BRAF: variants seen among roughly 807,000 people sequenced by gnomAD.
BRAF encodes B-Raf proto-oncogene, serine/threonine kinase.
Under a neutral mutation model 104.6 loss-of-function variants are expected in BRAF, and 16 were observed. The observed-to-expected ratio is 0.15, with a 90% confidence interval of 0.10 to 0.23. The LOEUF (loss-of-function observed/expected upper bound fraction) is 0.23. Ranked by LOEUF, BRAF falls within the 10% of genes least tolerant of loss-of-function variation. The pLI, the probability that BRAF is intolerant of heterozygous loss-of-function variation, is 1.00. For missense variants in BRAF, 541 were observed against 937.3 expected (o/e 0.58, Z 5.52); for synonymous variants, 310 against 341.6 (o/e 0.91, Z 1.02).
intron 3 of BRAF, among the ~76,000 whole-genome samples, chr7:140,816,975 G>GAAA (rs922471111): frequency 7.1e-6 from 1 of 141,332 alleles, no homozygotes; most frequent in Non-Finnish European, 1.5e-5. Flanking sequence ...TTGGATAAGA[G>GAAA]AAAAAAAAAA....
chr7:140,921,301 T>C (rs1037594215), intron 1 of BRAF, among the ~76,000 whole-genome samples: 1 of 152,188 alleles, frequency 6.6e-6, no homozygotes, highest in African/African-American at 2.4e-5. Context: ...CAGATGTTAA[T>C]GTTTAATGCC....
intron 1 of BRAF, among the ~76,000 whole-genome samples, chr7:140,854,945 C>CA (rs890296267): frequency 2.1e-4 from 31 of 149,822 alleles, no homozygotes; most frequent in African/African-American, 6.9e-4. Context: ...GACTTCGTCT[C>CA]AAAAAAAAAG....
At position 140,720,314 on chromosome 7, in the gene BRAF, G is replaced by A. The variant is rs1795260098; in HGVS notation, c.*6180C>T. On this transcript the variant is annotated 3_prime_UTR_variant, in exon 20 of 20. Transcript: ENST00000644969. Reference sequence around the variant, plus strand: ...GTCTATATATGTGGCATGGCCAAAGGAAACACGGAGGACCCATGGATGCAT... The same window carrying A: ...GTCTATATATGTGGCATGGCCAAAGAAAACACGGAGGACCCATGGATGCAT... 2 of 1,062,492 alleles carry A rather than the reference G, an allele frequency of 1.9e-6. No homozygotes were observed. The highest frequency in any genetic ancestry group is 2.3e-6 in the Non-Finnish European group (2 of 877,696). The allele number at this position is 1,062,492 out of a possible 1,614,324, so 65.8% of individuals were successfully genotyped here.
At chr7:140,852,826 C>T (rs1289911759) in intron 1 of BRAF, among the ~76,000 whole-genome samples, 1 of 152,138 alleles carries the variant, frequency 6.6e-6, no homozygotes, top group Non-Finnish European at 1.5e-5. Context: ...TCTGATCTCC[C>T]CCATCACCCC....
chr7:140,912,198 G>A (rs951000354), intron 1 of BRAF, among the ~76,000 whole-genome samples: 1 of 152,094 alleles, frequency 6.6e-6, no homozygotes, highest in African/African-American at 2.4e-5. Context: ...TTTGTCTCCA[G>A]TTCATTTATG....
chr7:140,836,010 G>A (rs1400266237), intron 2 of BRAF: 1 of 152,160 alleles, frequency 6.6e-6, no homozygotes, highest in African/African-American at 2.4e-5. Context: ...GTAATAATGA[G>A]GAAGGAGGAC....
At chr7:140,841,625 G>GTGA (rs1807980342) in intron 2 of BRAF, among the ~76,000 whole-genome samples, 1 of 152,098 alleles carries the variant, frequency 6.6e-6, no homozygotes, top group Non-Finnish European at 1.5e-5. Flanking sequence ...TTAAGTAAAA[G>GTGA]CAGCCAGTCA....
intron 1 of BRAF, among the ~76,000 whole-genome samples, chr7:140,879,327 G>A (rs868100826): frequency 6.0e-5 from 9 of 150,418 alleles, no homozygotes; most frequent in Non-Finnish European, 8.9e-5. Flanking sequence ...GACTACAGGC[G>A]TGCACCACCA....
In BRAF at chr7:140,852,245, T is replaced by C. The variant is rs536072118; in HGVS notation, c.139-2033A>G. Among the ~76,000 whole-genome samples the C allele has an allele frequency of 3.9e-5, 6 of 151,990 alleles. No homozygotes were observed. The East Asian group carries it at 1.2e-3, about 29-fold the overall frequency. ...TTAGCCGGGCATGGTGGTGCATGCC[T>C]GTAGTCCCAGGTACTCAGAAGGCTG... On this transcript the variant is annotated intron_variant, in intron 1 of 19. Coordinates refer to ENST00000644969, the MANE Select transcript of BRAF (RefSeq NM_001374258.1).
intron 2 of BRAF, among the ~76,000 whole-genome samples, chr7:140,837,572 T>C (rs1469695309): frequency 1.3e-5 from 2 of 152,232 alleles, no homozygotes; most frequent in Non-Finnish European, 2.9e-5. Flanking sequence ...GACCATTCAA[T>C]TGTTCTATTT....
intron 18 of BRAF, among the ~76,000 whole-genome samples, 157 bp from the exon 18 acceptor site, chr7:140,734,927 T>C (rs765831770): frequency 6.6e-6 from 1 of 152,042 alleles, no homozygotes; most frequent in Non-Finnish European, 1.5e-5. Context: ...AAATCTTACA[T>C]TGTTTTCAGC....
intron 2 of BRAF, among the ~76,000 whole-genome samples, chr7:140,837,890 T>G (rs566409985): frequency 6.6e-6 from 1 of 152,344 alleles, no homozygotes; most frequent in South Asian, 2.1e-4. Context: ...ATTCTCCACA[T>G]CTTTCCCCAT....
intron 19 of BRAF, chr7:140,734,294 A>C: frequency 8.1e-7 from 1 of 1,234,064 alleles, no homozygotes; most frequent in Non-Finnish European, 1.0e-6. Context: ...GAGAAACTGA[A>C]GTTTACTACT....
downstream of BRAF, among the ~76,000 whole-genome samples, chr7:140,717,747 T>C (rs1342174163): frequency 1.3e-5 from 2 of 152,198 alleles, no homozygotes; most frequent in Non-Finnish European, 2.9e-5. Flanking sequence ...ACATATATGG[T>C]ATAGTATGTT....
At chr7:140,770,238 T>C (rs1418290626) in intron 14 of BRAF, among the ~76,000 whole-genome samples, 1 of 152,204 alleles carries the variant, frequency 6.6e-6, no homozygotes, top group Non-Finnish European at 1.5e-5. Context: ...TTAGAATTAT[T>C]ATCAATCACT....
At chr7:140,854,817 T>C (rs966931063) in intron 1 of BRAF, among the ~76,000 whole-genome samples, 74 of 152,058 alleles carry the variant, frequency 4.9e-4, no homozygotes, top group African/African-American at 1.6e-3. Context: ...TGGTGGCGTG[T>C]GCCTGTAATC....
intron 19 of BRAF, chr7:140,733,710 A>T (rs1476683736): frequency 6.6e-6 from 1 of 152,516 alleles, no homozygotes; most frequent in Non-Finnish European, 1.5e-5. Context: ...TAACAACTTT[A>T]AAAAATCTAT....
At chr7:140,864,410 A>T (rs755880414) in intron 1 of BRAF, among the ~76,000 whole-genome samples, 1 of 152,186 alleles carries the variant, frequency 6.6e-6, no homozygotes, top group Non-Finnish European at 1.5e-5. Context: ...GCATTATGTC[A>T]CCAACAGGAG....
Position 140,723,565 on chromosome 7 carries a change from T to G in BRAF, c.*2929A>C. ...CTATTCACAAATCCCTTTTATAAACTATTTTTTTGGTCAATATTATTTCAG... is the reference window on the plus strand; with the variant it reads ...CTATTCACAAATCCCTTTTATAAACGATTTTTTTGGTCAATATTATTTCAG... On this transcript the variant is annotated 3_prime_UTR_variant, in exon 20 of 20. Coordinates refer to ENST00000644969, the MANE Select transcript of BRAF (RefSeq NM_001374258.1). The G allele has an allele frequency of 9.5e-7, 1 of 1,048,748 alleles. No homozygotes were observed. The highest frequency in any genetic ancestry group is 1.2e-6 in the Non-Finnish European group (1 of 868,970). 65.0% of individuals were successfully genotyped at this position (1,048,748 alleles called of 1,614,324 possible).
Sources: allele counts gnomAD v4.1 joint callset (sites outside exome capture counted in the v4.1 genomes callset), GRCh38; gene constraint gnomAD v4.1.1; transcripts MANE v1.5; gene names NCBI Gene and HGNC (gene_info 2026-07-23, HGNC 2026-07-21).